Variants in EPHX1 observed in about 807,000 individuals in gnomAD.
EPHX1 encodes the protein epoxide hydrolase 1, also known as epoxide hydratase.
In EPHX1, 40 loss-of-function variants were observed where a neutral mutation model predicts 43.2. That is an observed-to-expected ratio of 0.93 (90% CI 0.72 to 1.21). The LOEUF (loss-of-function observed/expected upper bound fraction) is 1.21, where lower values mean the gene tolerates loss of function less well. Among genes scored for constraint, EPHX1 ranks in the 50% most tolerant of loss-of-function variants. EPHX1 has a pLI of 0.00. For missense variants in EPHX1, 550 were observed against 570.4 expected, an observed-to-expected ratio of 0.96 and a Z score of 0.36; for synonymous variants, 221 against 226.7, an observed-to-expected ratio of 0.98 and a Z score of 0.22.
At chr1:225,835,450 C>T (rs149022409) in intron 3 of EPHX1, among the ~76,000 whole-genome samples, 5,245 of 145,630 alleles carry the variant, frequency 0.036, 304 homozygotes, top group African/African-American at 0.13. Flanking sequence ...AGTGCAGTGA[C>T]GCAATCTCGA....
chr1:225,813,059 C>A (rs913244633), intron 1 of EPHX1, among the ~76,000 whole-genome samples: 1 of 152,216 alleles, frequency 6.6e-6, no homozygotes, highest in Admixed American at 6.5e-5. Flanking sequence ...GCTCAGCGAT[C>A]TGCAGGCCTT....
At chr1:225,839,445 C>G in intron 5 of EPHX1, 99 bp downstream of exon 5, 1 of 1,566,744 alleles carries the variant, frequency 6.4e-7, no homozygotes, top group Non-Finnish European at 8.6e-7. Flanking sequence ...CCAAGGACCC[C>G]CCAGGGGAGA....
intron 1 of EPHX1, among the ~76,000 whole-genome samples, chr1:225,827,988 G>C (rs1667339141): frequency 2.0e-5 from 3 of 152,278 alleles, no homozygotes; most frequent in Admixed American, 1.3e-4. Flanking sequence ...TTCAGGAAAG[G>C]TGCTCCTCTC....
At chr1:225,818,273 C>T (rs777318751) in intron 1 of EPHX1, among the ~76,000 whole-genome samples, 11 of 152,214 alleles carry the variant, frequency 7.2e-5, no homozygotes, top group Non-Finnish European at 1.5e-4. Context: ...AATAATTAAG[C>T]TTCTACTAGA....
chr1:225,824,124 C>G (rs1667114573), intron 1 of EPHX1, among the ~76,000 whole-genome samples: 1 of 152,170 alleles, frequency 6.6e-6, no homozygotes, highest in South Asian at 2.1e-4. Context: ...ACTCATTGGT[C>G]AGACTCTAAG....
At chr1:225,823,664 G>A (rs1182035172) in intron 1 of EPHX1, among the ~76,000 whole-genome samples, 1 of 152,204 alleles carries the variant, frequency 6.6e-6, no homozygotes, top group Admixed American at 6.5e-5. Flanking sequence ...GTGGCCATGA[G>A]AGAGGGAGGC....
intron 1 of EPHX1, among the ~76,000 whole-genome samples, chr1:225,819,761 G>A (rs144382237): frequency 2.0e-4 from 31 of 152,134 alleles, no homozygotes; most frequent in African/African-American, 7.5e-4. Flanking sequence ...TTGACACAAG[G>A]TACTGTCTGG....
At chr1:225,816,634 T>C (rs370739705) in intron 1 of EPHX1, among the ~76,000 whole-genome samples, 1 of 152,162 alleles carries the variant, frequency 6.6e-6, no homozygotes, top group Non-Finnish European at 1.5e-5. Flanking sequence ...AGCCGTCCCC[T>C]CTCCGAAGGT....
rs1559024822 is a variant in EPHX1, at chr1:225,839,363, GGTGGTGTGT to G, written c.722+21_722+29del. 4 of 1,599,166 alleles carry G rather than the reference GGTGGTGTGT, an allele frequency of 2.5e-6. No individual in the cohort carries two copies. The African/African-American group carries it at 4.5e-5, about 18-fold the overall frequency. ...GGTGCCCAGGTGAGGTCACTGTTGG[GGTGGTGTGT>G]GTGTGTGTGTGTGTGTGTGTGTGTG... On this transcript the variant is annotated intron_variant, in intron 5 of 8. Transcript: ENST00000272167.
At chr1:225,826,372 G>A (rs900989584) in intron 1 of EPHX1, among the ~76,000 whole-genome samples, 1 of 142,638 alleles carries the variant, frequency 7.0e-6, no homozygotes, top group African/African-American at 2.6e-5. Flanking sequence ...TCTGAGGCAC[G>A]AGAATCTCTT....
rs1337535017 is a variant in EPHX1 at position 225,817,659 on chromosome 1, T to C, written c.-6+7490T>C. Among the ~76,000 whole-genome samples the C allele has an allele frequency of 6.6e-6, 1 of 152,214 alleles. No individual in the cohort carries two copies. The highest frequency in any genetic ancestry group is 2.1e-4 in the South Asian group (1 of 4,838). On this transcript the variant is annotated intron_variant, in intron 1 of 8. Transcript: ENST00000272167. The surrounding 1 kb of genome is among the most constrained non-coding windows in gnomAD (Gnocchi z 5.7). ...CACTTTCCTCCCCAAAGTGGCAGAC[T>C]TCCCCCAGGAGAAGCACTGGCTTTT...
At chr1:225,829,791 T>C (rs987372296) in intron 2 of EPHX1, among the ~76,000 whole-genome samples, 2 of 151,930 alleles carry the variant, frequency 1.3e-5, no homozygotes, top group Non-Finnish European at 2.9e-5. Flanking sequence ...TAAATAAAGA[T>C]AGGCTAGGTG....
intron 3 of EPHX1, among the ~76,000 whole-genome samples, chr1:225,838,140 A>G (rs1327185214): frequency 1.3e-5 from 2 of 152,208 alleles, no homozygotes; most frequent in Admixed American, 1.3e-4. Flanking sequence ...CCTCCCAGCA[A>G]TATCTTCTGA....
rs868785904 is a variant in EPHX1, at chr1:225,815,416, T to C, written c.-6+5247T>C. Among the ~76,000 whole-genome samples the C allele has an allele frequency of 3.9e-4, 30 of 75,982 alleles. 5 individuals carry two copies. The highest frequency in any genetic ancestry group is 3.8e-3 in the South Asian group (10 of 2,606). 49.8% of individuals were successfully genotyped at this position (75,982 alleles called of 152,430 possible). On this transcript the variant is annotated intron_variant, in intron 1 of 8. Coordinates refer to ENST00000272167, the MANE Select transcript of EPHX1 (RefSeq NM_001136018.4). ...CACCATGCCCAGCTAATTTTCTTTT[T>C]TTTTTTTTTTTTTTTTTGTAGAGAC...
At chr1:225,840,102 T>A in intron 6 of EPHX1, 65 bp downstream of exon 6, 1 of 1,509,956 alleles carries the variant, frequency 6.6e-7, no homozygotes, top group Non-Finnish European at 9.1e-7. Flanking sequence ...ACCCGCGGGG[T>A]AACCTCACCA....
intron 1 of EPHX1, among the ~76,000 whole-genome samples, chr1:225,824,837 A>G (rs547209948): frequency 3.6e-4 from 55 of 152,288 alleles, no homozygotes; most frequent in Middle Eastern, 3.4e-3. Context: ...ACCCCCACAC[A>G]GTCAACACCT....
intron 3 of EPHX1, among the ~76,000 whole-genome samples, chr1:225,834,269 G>C (rs1286171583): frequency 6.6e-6 from 1 of 151,694 alleles, no homozygotes; most frequent in African/African-American, 2.4e-5. Flanking sequence ...GCTGGGCATG[G>C]TGGCACGTGC....
At chr1:225,842,536 T>G (rs1668517182) in intron 7 of EPHX1, 62 bp downstream of exon 7, 5 of 1,155,624 alleles carry the variant, frequency 4.3e-6, no homozygotes, top group Non-Finnish European at 6.6e-6. Context: ...CTCCTCACCC[T>G]CTTCATCCCC....
chr1:225,831,817 A>G lies in EPHX1; in HGVS notation c.222A>G (p.Pro74=), dbSNP rs957684939. ...HQRIDKFRFT[P]PLEDSCFHYG... is the part of the protein sequence containing the mutation. ...GGATCGATAAGTTCCGTTTCACCCCACCTTTGGAGGACAGCTGCTTCCACT... is the reference window on the plus strand; with the variant it reads ...GGATCGATAAGTTCCGTTTCACCCCGCCTTTGGAGGACAGCTGCTTCCACT... Residue 74 remains proline (P), a synonymous_variant, in exon 3 of 9, where the codon CCA becomes CCG. Coordinates refer to ENST00000272167, the MANE Select transcript of EPHX1 (RefSeq NM_001136018.4). 6.2e-7 allele frequency: 1 copy of G among 1,614,018 alleles called. No homozygotes were observed.
Sources: gnomAD v4.1 joint callset for allele counts (sites outside exome capture counted in the v4.1 genomes callset) on GRCh38, gnomAD v4.1.1 for gene constraint, Gnocchi (gnomAD v3.1) non-coding constraint, MANE v1.5 for transcripts, NCBI Gene and HGNC (gene_info 2026-07-23, HGNC 2026-07-21) for gene names.